Variants in LRRC69 observed in about 807,000 individuals in gnomAD.
The protein encoded by LRRC69 is leucine rich repeat containing 69.
In LRRC69, 42 loss-of-function variants were observed where a neutral mutation model predicts 37.8. The observed-to-expected ratio is 1.11, with a 90% CI of 0.87 to 1.44. The LOEUF is 1.44. Among genes scored for constraint, LRRC69 ranks in the 40% most tolerant of loss-of-function variants. LRRC69 has a pLI of 0.00. For synonymous variants in LRRC69, 141 were observed against 143.1 expected (o/e 0.99, Z 0.11); for missense variants, 357 against 401.9 (o/e 0.89, Z 0.96).
chr8:91,104,116 T>G (rs1170320235), intron 1 of LRRC69, among the ~76,000 whole-genome samples: 2 of 152,034 alleles, frequency 1.3e-5, no homozygotes, highest in Admixed American at 6.6e-5. Context: ...GTATCTATTG[T>G]GTATTGATCC....
intron 1 of LRRC69, among the ~76,000 whole-genome samples, chr8:91,117,714 C>G (rs1813536014): frequency 6.6e-6 from 1 of 151,670 alleles, no homozygotes; most frequent in African/African-American, 2.4e-5. Flanking sequence ...TAATTATGCA[C>G]CAACAATGTG....
At chr8:91,157,998 G>A in intron 5 of LRRC69, 2 of 1,341,216 alleles carry the variant, frequency 1.5e-6, no homozygotes, top group Non-Finnish European at 2.1e-6. Context: ...GGAATTCTAG[G>A]TCTACAACTT....
exon 7 of LRRC69, chr8:91,200,651 AAAT>A (rs1392571245): frequency 6.8e-7 from 1 of 1,473,968 alleles, no homozygotes; most frequent in African/African-American, 1.5e-5. Context: ...AGCTAGCAGA[AAAT>A]AACCCTTTCC....
At chr8:91,207,143 A>G (rs1809818827) in intron 7 of LRRC69, among the ~76,000 whole-genome samples, 1 of 152,188 alleles carries the variant, frequency 6.6e-6, no homozygotes, top group Admixed American at 6.5e-5. Flanking sequence ...TCCCAGGAGA[A>G]GTGGGATAAT....
intron 5 of LRRC69, among the ~76,000 whole-genome samples, chr8:91,152,951 G>C (rs913733408): frequency 6.6e-6 from 1 of 151,258 alleles, no homozygotes; most frequent in African/African-American, 2.4e-5. Flanking sequence ...AAAGTGTCAA[G>C]ACCCATCAGT....
chr8:91,102,860 T>G lies in LRRC69; in HGVS notation c.183+16T>G, dbSNP rs1813245297. On this transcript the variant is annotated intron_variant, in intron 1 of 7. Transcript: ENST00000448384. ...CTTGACCCAGGTGAGGAACAGTGTT[T>G]TGCTGTTGTGGTTTGGTATTGAAGA... The G allele has an allele frequency of 6.5e-7, 1 of 1,532,130 alleles. No individual in the cohort carries two copies. Among genetic ancestry groups the G allele is most frequent in the Admixed American group, 2.1e-5 (1 of 47,292 alleles). 94.9% of individuals were successfully genotyped at this position (1,532,130 alleles called of 1,614,324 possible).
At chr8:91,157,729 G>T (rs1415274145) in intron 5 of LRRC69, 19 of 1,604,936 alleles carry the variant, frequency 1.2e-5, no homozygotes, top group Non-Finnish European at 1.6e-5. Flanking sequence ...ACCAATGCAG[G>T]TGGCAGTCTG....
intron 7 of LRRC69, among the ~76,000 whole-genome samples, chr8:91,214,743 A>G (rs1810007385): frequency 6.6e-6 from 1 of 152,162 alleles, no homozygotes; most frequent in African/African-American, 2.4e-5. Flanking sequence ...GGAACATGAT[A>G]ACAGTATTAG....
chr8:91,186,958 T>C (rs1563617924), intron 5 of LRRC69, among the ~76,000 whole-genome samples: 1 of 152,166 alleles, frequency 6.6e-6, no homozygotes, highest in South Asian at 2.1e-4. Flanking sequence ...AGGCTTAGAA[T>C]TTAGAACTTT....
chr8:91,217,475 T>C (rs1234162447), intron 7 of LRRC69, among the ~76,000 whole-genome samples: 1 of 152,184 alleles, frequency 6.6e-6, no homozygotes, highest in Non-Finnish European at 1.5e-5. Context: ...CTTCTCCCAA[T>C]AGATGCAGAG....
chr8:91,116,878 T>C (rs1335869391), intron 1 of LRRC69, among the ~76,000 whole-genome samples: 1 of 152,036 alleles, frequency 6.6e-6, no homozygotes, highest in Non-Finnish European at 1.5e-5. Flanking sequence ...GTCTTCTCTC[T>C]TACTTATTAA....
intron 6 of LRRC69, among the ~76,000 whole-genome samples, chr8:91,190,270 T>A (rs1007108629): frequency 7.0e-6 from 1 of 143,858 alleles, no homozygotes; most frequent in Non-Finnish European, 1.5e-5. Context: ...CTTACTTTGT[T>A]TTTTTTTTTT....
At chr8:91,191,921 T>A (rs140581712) in intron 6 of LRRC69, among the ~76,000 whole-genome samples, 1 of 152,048 alleles carries the variant, frequency 6.6e-6, no homozygotes, top group East Asian at 1.9e-4. Flanking sequence ...TGCACACATG[T>A]GCCATGCTGG....
chr8:91,204,664 C>G (rs1343780287), intron 7 of LRRC69, among the ~76,000 whole-genome samples: 3 of 152,208 alleles, frequency 2.0e-5, no homozygotes, highest in Non-Finnish European at 4.4e-5. Context: ...CATGGCCTCC[C>G]CAGGGACAAT....
chr8:91,200,590 C>A, intron 6 of LRRC69, 23 bp from the exon 7 acceptor site: 1 of 1,366,940 alleles, frequency 7.3e-7, no homozygotes, highest in Non-Finnish European at 9.6e-7. Context: ...ATCTGAGGAA[C>A]TGTATTTTTT....
At chr8:91,114,706 A>G (rs547490469) in intron 1 of LRRC69, among the ~76,000 whole-genome samples, 2 of 152,158 alleles carry the variant, frequency 1.3e-5, no homozygotes, top group East Asian at 1.9e-4. Context: ...CACATAGCAT[A>G]GTAGGCTTAT....
intron 5 of LRRC69, among the ~76,000 whole-genome samples, chr8:91,141,937 T>G (rs1808539729): frequency 6.6e-6 from 1 of 152,010 alleles, no homozygotes; most frequent in African/African-American, 2.4e-5. Context: ...ATCGTGGGAT[T>G]TCTGGGAAGA....
intron 5 of LRRC69, among the ~76,000 whole-genome samples, chr8:91,171,377 C>T (rs1463475723): frequency 6.6e-6 from 1 of 151,830 alleles, no homozygotes; most frequent in East Asian, 1.9e-4. Context: ...AAGATTTTTT[C>T]ACCTCCCCCA....
intron 7 of LRRC69, 40 bp downstream of exon 7, chr8:91,200,832 A>T: frequency 2.1e-6 from 3 of 1,461,502 alleles, no homozygotes; most frequent in South Asian, 1.4e-5. Context: ...CATAATACTG[A>T]TTCCTATCCT....
Sources: allele counts gnomAD v4.1 joint callset (sites outside exome capture counted in the v4.1 genomes callset), GRCh38; gene constraint gnomAD v4.1.1; transcripts MANE v1.5; gene names NCBI Gene and HGNC (gene_info 2026-07-23, HGNC 2026-07-21).